Variants in UGT3A1 observed in about 807,000 individuals in gnomAD.
UGT3A1 encodes UDP-glycosyltransferase 3A1.
A neutral mutation model predicts 37.6 loss-of-function variants in UGT3A1; 40 were observed. The ratio of observed to expected loss-of-function variants is 1.06; its 90% CI spans 0.83 to 1.38. The LOEUF is 1.38. Ranked by LOEUF, UGT3A1 falls within the 40% of genes most tolerant of loss-of-function variation. The pLI is 0.00. For synonymous variants in UGT3A1, 256 were observed against 232.3 expected (o/e 1.10, Z -0.93); for missense variants, 642 against 634.2 (o/e 1.01, Z -0.13).
rs1157884479 is a variant in UGT3A1, at chr5:35,954,394, G to A, written c.1380C>T (p.Asp460=). ...SPAQRLVGWI[D]HILQTGGATH... ...TCGCTCCCCCAGTCTGGAGGATGTG[G>A]TCGATCCAGCCCACCAGCCGCTGTG... is the stretch of plus-strand genomic sequence containing the variant. The change falls in exon 7 of 7, where the codon GAC becomes GAT. Residue 460 remains aspartate (D), a synonymous_variant. Transcript: ENST00000274278. 6.2e-7 allele frequency: 1 copy of A among 1,614,228 alleles called. No individual in the cohort carries two copies. The highest frequency in any genetic ancestry group is 8.5e-7 in the Non-Finnish European group (1 of 1,180,042).
At chr5:35,962,192 A>C (rs1312570092) in intron 4 of UGT3A1, 2 of 152,264 alleles carry the variant, frequency 1.3e-5, no homozygotes, top group African/African-American at 4.8e-5. Context: ...CTGATTCAAA[A>C]GTAACACAAT....
chr5:35,990,672 T>G (rs552769012), intron 1 of UGT3A1, among the ~76,000 whole-genome samples: 3 of 152,130 alleles, frequency 2.0e-5, no homozygotes, highest in African/African-American at 7.2e-5. Context: ...TGGCTCCATA[T>G]GCAGCTTCAC....
intron 2 of UGT3A1, among the ~76,000 whole-genome samples, chr5:35,985,746 TG>T (rs1331238306): frequency 6.6e-6 from 1 of 152,146 alleles, no homozygotes; most frequent in African/African-American, 2.4e-5. Flanking sequence ...CTTAAAACTA[TG>T]AAACTACTAG....
chr5:35,951,581 G>A lies in UGT3A1; in HGVS notation c.*2621C>T, dbSNP rs1484063859. The A allele has an allele frequency of 6.6e-6, 1 of 152,066 alleles. No homozygotes were observed. Among genetic ancestry groups the A allele is most frequent in the Non-Finnish European group, 1.5e-5 (1 of 68,010 alleles). The allele number at this position is 152,066 out of a possible 1,614,324, so 9.4% of individuals were successfully genotyped here. ...CTTTCTTCAATTTTAATAGTTCTTAGTTTATCAGAAATATTAGGTCTATGT... is the reference window on the plus strand; with the variant it reads ...CTTTCTTCAATTTTAATAGTTCTTAATTTATCAGAAATATTAGGTCTATGT... On this transcript the variant is annotated 3_prime_UTR_variant, in exon 7 of 7. Coordinates refer to ENST00000274278, the MANE Select transcript of UGT3A1 (RefSeq NM_152404.4).
At chr5:35,973,931 C>T (rs1740154458) in intron 2 of UGT3A1, among the ~76,000 whole-genome samples, 1 of 152,020 alleles carries the variant, frequency 6.6e-6, no homozygotes, top group African/African-American at 2.4e-5. Context: ...CATGGCATCC[C>T]TAAAAGAAAA....
chr5:35,973,223 T>A (rs1460249606), intron 2 of UGT3A1, among the ~76,000 whole-genome samples: 1 of 152,224 alleles, frequency 6.6e-6, no homozygotes. Context: ...AGATACTGTT[T>A]TAGCATCCCT....
intron 2 of UGT3A1, among the ~76,000 whole-genome samples, chr5:35,979,855 TGGCAGAA>T (rs1580949936): frequency 6.6e-6 from 1 of 152,214 alleles, no homozygotes; most frequent in Admixed American, 6.5e-5. Context: ...CCCACAATCA[TGGCAGAA>T]GGCAGAAGGC....
Position 35,968,143 on chromosome 5 carries a change from C to T in UGT3A1, c.197-10G>A, listed in dbSNP as rs1179658637. 5.2e-6 allele frequency: 8 copies of T among 1,550,292 alleles called. No individual in the cohort carries two copies. The highest frequency in any genetic ancestry group is 1.7e-5 in the Admixed American group (1 of 58,776). On this transcript the variant is annotated splice_polypyrimidine_tract_variant and intron_variant, in intron 2 of 6. Coordinates refer to ENST00000274278, the MANE Select transcript of UGT3A1 (RefSeq NM_152404.4). The stretch of plus-strand genomic sequence containing the variant: ...TCCTCCTCTTTAATATCTAAGAAAA[C>T]ACCAATTGGTTAAAAAGGTAAATAT...
At chr5:35,965,108 T>C (rs1006691496) in intron 4 of UGT3A1, among the ~76,000 whole-genome samples, 1 of 152,048 alleles carries the variant, frequency 6.6e-6, no homozygotes, top group African/African-American at 2.4e-5. Flanking sequence ...AAAATGAAAA[T>C]AGCAACTTTA....
intron 1 of UGT3A1, among the ~76,000 whole-genome samples, chr5:35,989,073 TA>T (rs1289535687): frequency 2.0e-5 from 3 of 152,206 alleles, no homozygotes; most frequent in Non-Finnish European, 4.4e-5. Flanking sequence ...AAGGTGAGTC[TA>T]AGAAACTGCC....
At chr5:35,961,027 G>T (rs1739560595) in intron 4 of UGT3A1, 1 of 152,204 alleles carries the variant, frequency 6.6e-6, no homozygotes, top group South Asian at 2.1e-4. Flanking sequence ...ACAGGAGAGG[G>T]GCGTGTGGAG....
At chr5:35,983,971 C>T (rs1740631360) in intron 2 of UGT3A1, among the ~76,000 whole-genome samples, 1 of 152,116 alleles carries the variant, frequency 6.6e-6, no homozygotes, top group South Asian at 2.1e-4. Context: ...AAACTGAAAG[C>T]CTTTCCTCTA....
intron 4 of UGT3A1, chr5:35,963,016 G>A: frequency 1.4e-6 from 1 of 691,478 alleles, no homozygotes; most frequent in Non-Finnish European, 2.6e-6. Flanking sequence ...AACTCAGGGT[G>A]TGAGGGAGAG....
intron 2 of UGT3A1, among the ~76,000 whole-genome samples, chr5:35,985,884 G>T (rs1740710095): frequency 6.6e-6 from 1 of 152,106 alleles, no homozygotes; most frequent in Non-Finnish European, 1.5e-5. Flanking sequence ...AAAAGCTTCT[G>T]CACAGCAAAG....
chr5:35,970,506 G>T (rs555033326), intron 2 of UGT3A1, among the ~76,000 whole-genome samples: 1 of 151,970 alleles, frequency 6.6e-6, no homozygotes, highest in Non-Finnish European at 1.5e-5. Context: ...CCCACAACAC[G>T]TGGGAATTCG....
chr5:35,983,459 T>C (rs1740609587), intron 2 of UGT3A1, among the ~76,000 whole-genome samples: 3 of 152,130 alleles, frequency 2.0e-5, no homozygotes. Flanking sequence ...ACTGATGAAT[T>C]CTATCAAACA....
chr5:35,991,051 G>T (rs745558446), intron 1 of UGT3A1, 96 bp downstream of exon 1: 4 of 1,610,076 alleles, frequency 2.5e-6, no homozygotes, highest in East Asian at 2.2e-5. Context: ...CTGGAAAATC[G>T]CCTGGATAAC....
Position 35,954,318 on chromosome 5 carries a change from T to C in UGT3A1, c.1456A>G (p.Ile486Val), listed in dbSNP as rs1363969245. The change falls in exon 7 of 7, where the codon ATT (isoleucine) becomes GTT (valine). Residue 486 changes from isoleucine (I) to valine (V), a missense_variant. Physicochemically the swap from Ile to Val is conservative, Grantham distance 29 (BLOSUM62 3). Coordinates refer to ENST00000274278, the MANE Select transcript of UGT3A1 (RefSeq NM_152404.4). ...CCCAGCAGAAACACAAAGACATCAATGAGGTACTGCTCATGCCAAGGCTGC... is the reference window on the plus strand; with the variant it reads ...CCCAGCAGAAACACAAAGACATCAACGAGGTACTGCTCATGCCAAGGCTGC... ...FQQPWHEQYLIDVFVFLLGLT... is the reference protein window; with the variant it reads ...FQQPWHEQYLVDVFVFLLGLT... The C allele has an allele frequency of 2.5e-6, 4 of 1,614,122 alleles. No homozygotes were observed. The highest frequency in any genetic ancestry group is 3.4e-6 in the Non-Finnish European group (4 of 1,179,984).
At chr5:35,959,822 A>T (rs540119463) in intron 4 of UGT3A1, among the ~76,000 whole-genome samples, 6 of 152,274 alleles carry the variant, frequency 3.9e-5, no homozygotes, top group African/African-American at 1.2e-4. Context: ...TAAAGATTAA[A>T]AATCTATTAG....
Sources: allele counts gnomAD v4.1 joint callset (sites outside exome capture counted in the v4.1 genomes callset), GRCh38; gene constraint gnomAD v4.1.1; transcripts MANE v1.5; gene names NCBI Gene and HGNC (gene_info 2026-07-23, HGNC 2026-07-21).